ADAMTS12: variants seen among roughly 807,000 people sequenced by gnomAD.
The protein encoded by ADAMTS12 is A disintegrin and metalloproteinase with thrombospondin motifs 12.
ADAMTS12 carries 118 observed loss-of-function variants against 167.8 expected under a neutral mutation model. That is an observed-to-expected ratio of 0.70 (90% confidence interval 0.61 to 0.82). ADAMTS12 has a LOEUF of 0.82. Ranked by LOEUF, ADAMTS12 falls within the 40% of genes least tolerant of loss-of-function variation. The pLI is 0.00. For synonymous variants in ADAMTS12, 704 were observed against 716.9 expected (o/e 0.98, Z 0.29); for missense variants, 1,916 against 1,998.8 (o/e 0.96, Z 0.79).
At chr5:33,597,243 C>T (rs114903433) in intron 16 of ADAMTS12, among the ~76,000 whole-genome samples, 3,263 of 152,228 alleles carry the variant, frequency 0.021, 131 homozygotes, top group African/African-American at 0.075. Context: ...AGTGAAGGGG[C>T]AGTGAAGAAG....
chr5:33,876,392 A>T (rs1750226595), intron 2 of ADAMTS12, among the ~76,000 whole-genome samples: 1 of 152,246 alleles, frequency 6.6e-6, no homozygotes, highest in Admixed American at 6.5e-5. Flanking sequence ...TTCATGACTA[A>T]TTATATAGCT....
chr5:33,536,294 C>T (rs1744402155), intron 22 of ADAMTS12, among the ~76,000 whole-genome samples: 1 of 152,170 alleles, frequency 6.6e-6, no homozygotes, highest in Non-Finnish European at 1.5e-5. Context: ...TGCCACCACA[C>T]CTGGTGACTT....
rs141295692 is a variant in ADAMTS12, at chr5:33,881,310, T to C, written c.298A>G (p.Lys100Glu). The C allele has an allele frequency of 1.2e-6, 2 of 1,613,968 alleles. No individual in the cohort carries two copies. The highest frequency in any genetic ancestry group is 2.7e-5 in the African/African-American group (2 of 74,882). ...ACCGTCAAGTTAAAAAACAGGTCCTTCTCCTCGTGAGAAATTCTGTAGTAC... is the reference window on the plus strand; with the variant it reads ...ACCGTCAAGTTAAAAAACAGGTCCTCCTCCTCGTGAGAAATTCTGTAGTAC... ...WVYYRISHEE[K>E]DLFFNLTVNQ... Residue 100 changes from lysine to glutamate, a missense_variant, in exon 2 of 24, where the codon AAG becomes GAG. By Grantham distance (56) the Lys-to-Glu change is moderately conservative (BLOSUM62 1). Transcript: ENST00000504830.
intron 3 of ADAMTS12, among the ~76,000 whole-genome samples, chr5:33,690,566 A>G (rs1364737248): frequency 1.3e-5 from 2 of 152,226 alleles, no homozygotes; most frequent in African/African-American, 4.8e-5. Context: ...TGGAAATGGT[A>G]GATCATTTGG....
chr5:33,855,679 C>A (rs952431891), intron 2 of ADAMTS12, among the ~76,000 whole-genome samples: 1 of 142,238 alleles, frequency 7.0e-6, no homozygotes, highest in Admixed American at 7.1e-5. Context: ...TGTTTTTTTT[C>A]TCTGCATATT....
intron 5 of ADAMTS12, among the ~76,000 whole-genome samples, chr5:33,682,190 A>T (rs1033062583): frequency 1.3e-5 from 2 of 152,244 alleles, no homozygotes; most frequent in African/African-American, 4.8e-5. Context: ...GATGTGGAAG[A>T]TATGAAAAAA....
intron 14 of ADAMTS12, among the ~76,000 whole-genome samples, chr5:33,623,612 C>A (rs1210590804): frequency 6.6e-6 from 1 of 152,122 alleles, no homozygotes; most frequent in Non-Finnish European, 1.5e-5. Flanking sequence ...AATAGTAAAG[C>A]GTGGGTAAGA....
chr5:33,751,607 C>T, intron 2 of ADAMTS12, 59 bp from the exon 3 acceptor site: 3 of 1,555,276 alleles, frequency 1.9e-6, no homozygotes, highest in South Asian at 1.2e-5. Flanking sequence ...CTACTAAAAA[C>T]AAAGTGAAAA....
intron 7 of ADAMTS12, among the ~76,000 whole-genome samples, chr5:33,657,871 C>G (rs1741115886): frequency 6.6e-6 from 1 of 152,040 alleles, no homozygotes; most frequent in African/African-American, 2.4e-5. Context: ...AAGGGTTATT[C>G]CTCAATTAAA....
chr5:33,568,301 TAAATC>T (rs753439419), intron 19 of ADAMTS12, among the ~76,000 whole-genome samples: 12 of 152,190 alleles, frequency 7.9e-5, no homozygotes, highest in South Asian at 2.1e-4. Context: ...AAATCAAACA[TAAATC>T]AAAGCGAAAA....
At chr5:33,583,063 T>C (rs888778841) in intron 18 of ADAMTS12, among the ~76,000 whole-genome samples, 1 of 149,330 alleles carries the variant, frequency 6.7e-6, no homozygotes. Context: ...CTCATTGTAC[T>C]ATCAAATAGT....
chr5:33,588,853 G>C (rs777054940), intron 17 of ADAMTS12, 44 bp from the exon 18 acceptor site: 73 of 1,600,674 alleles, frequency 4.6e-5, no homozygotes, highest in Non-Finnish European at 6.0e-5. Flanking sequence ...GCCAACTTAC[G>C]CATATGTTCC....
At chr5:33,882,451 A>C (rs1554049979) in intron 1 of ADAMTS12, among the ~76,000 whole-genome samples, 1 of 152,192 alleles carries the variant, frequency 6.6e-6, no homozygotes, top group Non-Finnish European at 1.5e-5. Flanking sequence ...GAACACATAC[A>C]CATTTTGACC....
intron 9 of ADAMTS12, among the ~76,000 whole-genome samples, chr5:33,646,195 C>G (rs4129122): frequency 1.3e-4 from 20 of 151,894 alleles, no homozygotes; most frequent in Non-Finnish European, 2.1e-4. Context: ...CCCTGGAAAA[C>G]GCTTACCTCT....
In ADAMTS12 at chr5:33,576,898, G is replaced by A. The variant is rs761555949; in HGVS notation, c.3128C>T (p.Thr1043Ile). The A allele has an allele frequency of 1.9e-6, 3 of 1,614,172 alleles. No individual in the cohort carries two copies. Among genetic ancestry groups the A allele is most frequent in the Admixed American group, 3.3e-5 (2 of 60,024 alleles). Reference sequence around the variant, plus strand: ...AGGGCTGCTGATTGCTGGAGTGCTTGTGCTCATAGACTCAGGCCCTGTGGG... The same window carrying A: ...AGGGCTGCTGATTGCTGGAGTGCTTATGCTCATAGACTCAGGCCCTGTGGG... ...TTPTGPESMS[T>I]STPAISSPSP... is the part of the protein sequence containing the mutation. The change falls in exon 19 of 24, where the codon ACA (threonine) becomes ATA (isoleucine). Residue 1043 changes from threonine (T) to isoleucine (I), a missense_variant. By Grantham distance (89) the Thr-to-Ile change is moderately conservative. Transcript: ENST00000504830.
At chr5:33,531,274 C>A (rs899329158) in intron 23 of ADAMTS12, among the ~76,000 whole-genome samples, 4 of 152,192 alleles carry the variant, frequency 2.6e-5, no homozygotes, top group Non-Finnish European at 5.9e-5. Context: ...TTTCTGTTGT[C>A]TTTAGTCACC....
intron 19 of ADAMTS12, among the ~76,000 whole-genome samples, chr5:33,563,023 T>C (rs1485297156): frequency 5.9e-5 from 9 of 152,212 alleles, no homozygotes; most frequent in Non-Finnish European, 1.3e-4. Flanking sequence ...GTAGATAATC[T>C]GTAGATCACA....
intron 3 of ADAMTS12, among the ~76,000 whole-genome samples, chr5:33,700,529 G>A (rs1742960513): frequency 6.6e-6 from 1 of 152,178 alleles, no homozygotes; most frequent in South Asian, 2.1e-4. Flanking sequence ...AGGATGGAGG[G>A]ATGAGGGCAT....
intron 3 of ADAMTS12, among the ~76,000 whole-genome samples, chr5:33,709,335 G>A (rs958274326): frequency 6.6e-6 from 1 of 152,158 alleles, no homozygotes; most frequent in Admixed American, 6.5e-5. Flanking sequence ...CCATTTGACT[G>A]AGCAATCTCA....
Sources: allele counts gnomAD v4.1 joint callset (sites outside exome capture counted in the v4.1 genomes callset), GRCh38; gene constraint gnomAD v4.1.1; transcripts MANE v1.5; gene names NCBI Gene and HGNC (gene_info 2026-07-23, HGNC 2026-07-21).